The following LRGUK variants were observed in gnomAD, a reference collection of about 807,000 sequenced individuals.
LRGUK encodes the protein leucine rich repeats and guanylate kinase domain containing.
A neutral mutation model predicts 76.0 loss-of-function variants in LRGUK; 65 were observed. The observed-to-expected ratio is 0.85, with a 90% confidence interval of 0.70 to 1.05. The LOEUF (loss-of-function observed/expected upper bound fraction) is 1.05, where lower values mean the gene tolerates loss of function less well. Ranked by LOEUF, LRGUK falls within the 50% of genes least tolerant of loss-of-function variation. The pLI, the probability that LRGUK is intolerant of heterozygous loss-of-function variation, is 0.00. For synonymous variants in LRGUK, 268 were observed against 265.6 expected (o/e 1.01, Z -0.09); for missense variants, 758 against 732.8 (o/e 1.03, Z -0.40).
intron 11 of LRGUK, among the ~76,000 whole-genome samples, chr7:134,190,946 T>TCA (rs71172441): frequency 6.6e-6 from 1 of 151,318 alleles, no homozygotes; most frequent in Non-Finnish European, 1.5e-5. Flanking sequence ...AGTTGAGCGG[T>TCA]GTGGTGGGAT....
At chr7:134,253,196 C>T (rs1802489557) in intron 18 of LRGUK, among the ~76,000 whole-genome samples, 1 of 152,082 alleles carries the variant, frequency 6.6e-6, no homozygotes, top group Non-Finnish European at 1.5e-5. Context: ...CGGAAAATTA[C>T]CTATGAATTT....
chr7:134,200,449 A>G (rs1273001666), intron 14 of LRGUK, among the ~76,000 whole-genome samples: 1 of 152,154 alleles, frequency 6.6e-6, no homozygotes, highest in African/African-American at 2.4e-5. Flanking sequence ...ACTGAAAAAG[A>G]CAGGTTTACA....
intron 12 of LRGUK, among the ~76,000 whole-genome samples, chr7:134,195,468 T>C (rs892257150): frequency 6.6e-6 from 1 of 152,198 alleles, no homozygotes; most frequent in African/African-American, 2.4e-5. Flanking sequence ...TTAGGTTAGA[T>C]CTCTTTCATT....
intron 5 of LRGUK, among the ~76,000 whole-genome samples, chr7:134,150,785 T>C (rs1798187587): frequency 6.6e-6 from 1 of 152,202 alleles, no homozygotes. Flanking sequence ...TAAAGTATCA[T>C]GACTTTGTAA....
chr7:134,249,361 C>T (rs983277385), intron 18 of LRGUK, among the ~76,000 whole-genome samples: 2 of 152,078 alleles, frequency 1.3e-5, no homozygotes, highest in Admixed American at 1.3e-4. Flanking sequence ...GCAGAAGAAC[C>T]GAGATTTCAG....
chr7:134,233,430 A>G (rs1045509904), intron 16 of LRGUK, among the ~76,000 whole-genome samples: 8 of 152,250 alleles, frequency 5.3e-5, no homozygotes, highest in African/African-American at 1.9e-4. Flanking sequence ...TGACCAATTC[A>G]TTGAGAGACA....
intron 6 of LRGUK, among the ~76,000 whole-genome samples, chr7:134,160,222 C>T (rs1413424431): frequency 1.3e-5 from 2 of 152,110 alleles, no homozygotes; most frequent in Non-Finnish European, 2.9e-5. Flanking sequence ...TAATACGTAG[C>T]ATTTTCATCC....
intron 10 of LRGUK, among the ~76,000 whole-genome samples, chr7:134,180,334 A>G (rs895347015): frequency 9.7e-5 from 10 of 103,380 alleles, no homozygotes; most frequent in Non-Finnish European, 1.6e-4. Flanking sequence ...CCATCCATCC[A>G]TCCAATCTAT....
chr7:134,173,111 C>T lies in LRGUK; in HGVS notation c.940-1445C>T, dbSNP rs541787763. Among the ~76,000 whole-genome samples the T allele has an allele frequency of 1.0e-3, 148 of 147,238 alleles. No individual in the cohort carries two copies. In the Middle Eastern group the frequency reaches 0.021, roughly 21 times the overall value. ...ATAATACAATAGAAAACAATTGATCCCTTTTAAAAAAAGATAATCCAAATG... is the reference window on the plus strand; with the variant it reads ...ATAATACAATAGAAAACAATTGATCTCTTTTAAAAAAAGATAATCCAAATG... On this transcript the variant is annotated intron_variant, in intron 7 of 15. Coordinates refer to ENST00000645682, the Ensembl canonical transcript of LRGUK.
downstream of LRGUK, among the ~76,000 whole-genome samples, chr7:134,210,523 C>T (rs189831241): frequency 1.3e-5 from 2 of 152,134 alleles, no homozygotes; most frequent in African/African-American, 4.8e-5. Context: ...ATAAAACTCC[C>T]GTCAATGGTG....
intron 19 of LRGUK, among the ~76,000 whole-genome samples, 160 bp from the exon 20 acceptor site, chr7:134,263,685 A>C (rs1385054464): frequency 7.0e-6 from 1 of 143,668 alleles, no homozygotes; most frequent in African/African-American, 2.6e-5. Flanking sequence ...AAAGTACTGC[A>C]ATTATAGGTG....
chr7:134,242,410 G>T (rs1309908768), intron 16 of LRGUK, among the ~76,000 whole-genome samples: 1 of 152,158 alleles, frequency 6.6e-6, no homozygotes, highest in Admixed American at 6.5e-5. Context: ...TACCATCAGA[G>T]AATACTATAA....
At chr7:134,245,487 T>C (rs1802278517) in intron 16 of LRGUK, among the ~76,000 whole-genome samples, 1 of 152,192 alleles carries the variant, frequency 6.6e-6, no homozygotes, top group Non-Finnish European at 1.5e-5. Flanking sequence ...GCAGGTGTTG[T>C]GGTTATGAAA....
intron 18 of LRGUK, among the ~76,000 whole-genome samples, chr7:134,255,984 C>T (rs1802568525): frequency 6.6e-6 from 1 of 152,084 alleles, no homozygotes; most frequent in Non-Finnish European, 1.5e-5. Flanking sequence ...CTGGTGAGAT[C>T]CAGAAACATG....
At chr7:134,166,608 T>G (rs1464365715) in intron 7 of LRGUK, among the ~76,000 whole-genome samples, 1 of 152,160 alleles carries the variant, frequency 6.6e-6, no homozygotes, top group Non-Finnish European at 1.5e-5. Context: ...TGGAGAGAAC[T>G]TGAATCCTGA....
intron 3 of LRGUK, 45 bp downstream of exon 3, chr7:134,139,562 C>T: frequency 7.9e-7 from 1 of 1,266,002 alleles, no homozygotes; most frequent in Non-Finnish European, 1.1e-6. Context: ...TATCTGAAAA[C>T]TTAAACGTTG....
chr7:134,238,181 C>G (rs1397602669), intron 16 of LRGUK, among the ~76,000 whole-genome samples: 1 of 152,056 alleles, frequency 6.6e-6, no homozygotes, highest in Non-Finnish European at 1.5e-5. Context: ...CAACACTGCT[C>G]TAGTTTTTTG....
rs1325789023 is a variant in LRGUK, at chr7:134,143,986, AT to A, written c.588+826del. Among the ~76,000 whole-genome samples the A allele has an allele frequency of 2.0e-5, 3 of 152,242 alleles. No homozygotes were observed. In the East Asian group the frequency reaches 5.8e-4, roughly 29 times the overall value. On this transcript the variant is annotated intron_variant, in intron 4 of 15. Coordinates refer to ENST00000645682, the Ensembl canonical transcript of LRGUK. Reference sequence around the variant, plus strand: ...AAGTGGTTCCCACACTCTTCTGCACATTGGAATCACCTGAGGGAGTTTTCAG... The same window carrying A: ...AAGTGGTTCCCACACTCTTCTGCACATGGAATCACCTGAGGGAGTTTTCAG...
chr7:134,139,526 T>C lies in LRGUK; in HGVS notation c.487+9T>C, dbSNP rs775161374. 1.3e-6 allele frequency: 2 copies of C among 1,562,418 alleles called. No individual in the cohort carries two copies. The highest frequency in any genetic ancestry group is 2.2e-5 in the South Asian group (2 of 89,244). Reference sequence around the variant, plus strand: ...AGCGAATAAAATTGAAGGTATGTAATTGTCATTCTAGATTGATCACTGAAT... The same window carrying C: ...AGCGAATAAAATTGAAGGTATGTAACTGTCATTCTAGATTGATCACTGAAT... On this transcript the variant is annotated intron_variant, in intron 3 of 15. Coordinates refer to ENST00000645682, the Ensembl canonical transcript of LRGUK.
Sources: gnomAD v4.1 joint callset for allele counts (sites outside exome capture counted in the v4.1 genomes callset) on GRCh38, gnomAD v4.1.1 for gene constraint, MANE v1.5 for transcripts, NCBI Gene and HGNC (gene_info 2026-07-23, HGNC 2026-07-21) for gene names.